SIPA1L1: variants seen among roughly 807,000 people sequenced by gnomAD.
SIPA1L1 encodes signal-induced proliferation-associated 1-like protein 1.
Under a neutral mutation model 162.7 loss-of-function variants are expected in SIPA1L1, and 26 were observed. The ratio of observed to expected loss-of-function variants is 0.16; its 90% confidence interval spans 0.12 to 0.22. The LOEUF is 0.22. Ranked by LOEUF, SIPA1L1 falls within the 10% of genes least tolerant of loss-of-function variation. The pLI is 1.00. For missense variants in SIPA1L1, 1,874 were observed against 2,241.0 expected (o/e 0.84, Z 3.31); for synonymous variants, 829 against 837.4 (o/e 0.99, Z 0.17).
At chr14:71,517,072 T>C (rs1293856442) in intron 3 of SIPA1L1, among the ~76,000 whole-genome samples, 1 of 145,938 alleles carries the variant, frequency 6.9e-6, no homozygotes, top group Non-Finnish European at 1.6e-5. Context: ...GGAATGTAAG[T>C]ACCTTCTTAT....
rs899562736 is a variant in SIPA1L1, at chr14:71,740,909, A to G, written c.*1748A>G. The G allele has an allele frequency of 6.6e-6, 1 of 152,170 alleles. No individual in the cohort carries two copies. Among genetic ancestry groups the G allele is most frequent in the Non-Finnish European group, 1.5e-5 (1 of 68,022 alleles). The allele number at this position is 152,170 out of a possible 1,614,324, so 9.4% of individuals were successfully genotyped here. The stretch of plus-strand genomic sequence containing the variant: ...GCTTATCCTTCTGAGTTTAGTTCTC[A>G]TTTTGTTTTACATTTTGTTTGGGGA... On this transcript the variant is annotated 3_prime_UTR_variant, in exon 24 of 24. Coordinates refer to ENST00000381232, the MANE Select transcript of SIPA1L1 (RefSeq NM_001386936.1).
intron 5 of SIPA1L1, among the ~76,000 whole-genome samples, chr14:71,607,949 G>A (rs979245415): frequency 6.6e-6 from 1 of 152,092 alleles, no homozygotes; most frequent in Non-Finnish European, 1.5e-5. Flanking sequence ...AATCAAACTT[G>A]CCACCTATTT....
intron 8 of SIPA1L1, among the ~76,000 whole-genome samples, chr14:71,650,854 G>A (rs1328065514): frequency 1.3e-5 from 2 of 152,198 alleles, no homozygotes; most frequent in Non-Finnish European, 2.9e-5. Flanking sequence ...ACAACTGTCT[G>A]AGTGTAAGCC....
At position 71,625,726 on chromosome 14, in the gene SIPA1L1, C is replaced by T. The variant is rs925622047; in HGVS notation, c.1818+1490C>T. On this transcript the variant is annotated intron_variant, in intron 7 of 23. Transcript: ENST00000381232. ...ATGTTTAGGTCCAACTTTATTGATT[C>T]GGTCATTTCTACTACTGTGTTTATC... 7.9e-5 allele frequency among the ~76,000 whole-genome samples: 12 copies of T among 152,102 alleles called. No individual in the cohort carries two copies. The South Asian group carries it at 2.1e-3, about 26-fold the overall frequency.
intron 4 of SIPA1L1, among the ~76,000 whole-genome samples, chr14:71,531,826 T>C (rs1035189292): frequency 2.6e-5 from 4 of 152,166 alleles, no homozygotes; most frequent in African/African-American, 9.7e-5. Context: ...TCTTAAGTCA[T>C]TTAAATTTTG....
At chr14:71,538,770 A>T (rs2054121440) in intron 4 of SIPA1L1, among the ~76,000 whole-genome samples, 1 of 152,092 alleles carries the variant, frequency 6.6e-6, no homozygotes, top group Non-Finnish European at 1.5e-5. Flanking sequence ...TTTGCTGGAT[A>T]CAAGACGGCA....
Position 71,588,675 on chromosome 14 carries a change from A to G in SIPA1L1, c.803A>G (p.Gln268Arg), listed in dbSNP as rs758198993. 8.7e-6 allele frequency: 14 copies of G among 1,613,944 alleles called. 1 individual carries two copies. In the South Asian group the frequency reaches 1.3e-4, roughly 15 times the overall value. Residue 268 changes from glutamine (Q) to arginine (R), a missense_variant, in exon 5 of 24, where the codon CAG becomes CGG. Coordinates refer to ENST00000381232, the MANE Select transcript of SIPA1L1 (RefSeq NM_001386936.1). This position sits in a 1 kb window ranked among gnomAD's most constrained non-coding sequence, Gnocchi z 4.3. ...SLDVIDGPIS[Q>R]RENLRLFKER... ...GATGTAATAGACGGGCCTATCTCAC[A>G]GAGAGAGAACCTCAGGCTTTTTAAG...
At chr14:71,635,439 A>G (rs924234757) in intron 7 of SIPA1L1, among the ~76,000 whole-genome samples, 1 of 152,242 alleles carries the variant, frequency 6.6e-6, no homozygotes. Flanking sequence ...AAACATATGT[A>G]CAAGAATTTT....
At chr14:71,442,172 C>CAAAAAAA (rs368432068) in intron 2 of SIPA1L1, among the ~76,000 whole-genome samples, 1 of 26,088 alleles carries the variant, frequency 3.8e-5, no homozygotes. Flanking sequence ...GACTCTGTCT[C>CAAAAAAA]AAAAAAAAAA....
intron 2 of SIPA1L1, among the ~76,000 whole-genome samples, chr14:71,358,735 G>A (rs1201551843): frequency 6.6e-6 from 1 of 152,194 alleles, no homozygotes; most frequent in African/African-American, 2.4e-5. Context: ...AGGCTGTACA[G>A]GAAGCATGAC....
intron 10 of SIPA1L1, among the ~76,000 whole-genome samples, chr14:71,664,360 A>G (rs534946463): frequency 3.9e-5 from 6 of 152,294 alleles, no homozygotes; most frequent in Middle Eastern, 3.4e-3. Flanking sequence ...ATTTAATTTT[A>G]TCCCTAAGTG....
intron 2 of SIPA1L1, among the ~76,000 whole-genome samples, chr14:71,356,368 T>G (rs143423545): frequency 3.9e-4 from 59 of 151,686 alleles, no homozygotes; most frequent in African/African-American, 1.4e-3. Flanking sequence ...ATTATAATTA[T>G]AAGCAGTATA....
At chr14:71,683,589 C>T (rs938062231) in intron 12 of SIPA1L1, among the ~76,000 whole-genome samples, 2 of 152,098 alleles carry the variant, frequency 1.3e-5, no homozygotes, top group East Asian at 1.9e-4. Flanking sequence ...CTAAACTATA[C>T]CACAGTGTAT....
intron 2 of SIPA1L1, among the ~76,000 whole-genome samples, chr14:71,502,793 C>T (rs1262711427): frequency 6.6e-6 from 1 of 152,112 alleles, no homozygotes; most frequent in Non-Finnish European, 1.5e-5. Context: ...CCTCTAACAC[C>T]GTGTTCTGCC....
rs548440004 is a variant in SIPA1L1, at chr14:71,709,007, TA to T, written c.3766-203del. On this transcript the variant is annotated intron_variant, in intron 16 of 23. Coordinates refer to ENST00000381232, the MANE Select transcript of SIPA1L1 (RefSeq NM_001386936.1). ...ATAAATCAAATAATGAAAAATAGATTAAAAAAAAAAAACACGTTTCTAGTAC... is the reference window on the plus strand; with the variant it reads ...ATAAATCAAATAATGAAAAATAGATTAAAAAAAAAAACACGTTTCTAGTAC... Among the ~76,000 whole-genome samples the T allele has an allele frequency of 3.9e-3, 554 of 143,870 alleles. 2 individuals are homozygous for T. Among genetic ancestry groups the T allele is most frequent in the South Asian group, 0.012 (53 of 4,564 alleles). The allele number at this position is 143,870 out of a possible 152,430, so 94.4% of individuals were successfully genotyped here. A position where few individuals can be genotyped will look rare whatever the true frequency, so the allele number is the denominator to read the frequency against.
At chr14:71,550,125 C>T (rs754109715) in intron 4 of SIPA1L1, among the ~76,000 whole-genome samples, 1 of 152,100 alleles carries the variant, frequency 6.6e-6, no homozygotes, top group Non-Finnish European at 1.5e-5. Flanking sequence ...TTGGTGCGTG[C>T]ACTTGTAGTC....
rs751346478 is a variant in SIPA1L1 at position 71,618,900 on chromosome 14, T to TGA, written c.1629+19_1629+20dup. On this transcript the variant is annotated intron_variant, in intron 6 of 23. Coordinates refer to ENST00000381232, the MANE Select transcript of SIPA1L1 (RefSeq NM_001386936.1). ...TAGAACTAGTGAGGTAAGTCGCAAA[T>TGA]GAGAGAGGTTTGAGGTTTAACTGAA... 4 of 1,611,806 alleles carry TGA rather than the reference T, an allele frequency of 2.5e-6. No individual in the cohort carries two copies. In the African/African-American group the frequency reaches 5.3e-5, roughly 22 times the overall value.
rs184304704 is a variant in SIPA1L1 at position 71,341,720 on chromosome 14, G to A, written c.-465+20539G>A. Among the ~76,000 whole-genome samples the A allele has an allele frequency of 4.9e-4, 74 of 152,080 alleles. 1 individual carries two copies. In the East Asian group the frequency reaches 5.0e-3, roughly 10 times the overall value. ...ATTCTTATGTCCGTGAGTACCCAGC[G>A]TTTAGCTCCCAATTATAAGTGAGAA... On this transcript the variant is annotated intron_variant, in intron 2 of 23. Transcript: ENST00000381232.
chr14:71,414,746 T>G (rs910801136), intron 2 of SIPA1L1, among the ~76,000 whole-genome samples: 3 of 152,208 alleles, frequency 2.0e-5, no homozygotes, highest in African/African-American at 7.2e-5. Context: ...GGTGTATAGT[T>G]TGGGGTGCCA....
Sources: gnomAD v4.1 joint callset for allele counts (sites outside exome capture counted in the v4.1 genomes callset) on GRCh38, gnomAD v4.1.1 for gene constraint, Gnocchi (gnomAD v3.1) non-coding constraint, MANE v1.5 for transcripts, NCBI Gene and HGNC (gene_info 2026-07-23, HGNC 2026-07-21) for gene names.